Variants in ABCC1 observed in about 807,000 individuals in gnomAD.
ABCC1 encodes the protein multidrug resistance-associated protein 1.
A neutral mutation model predicts 172.9 loss-of-function variants in ABCC1; 83 were observed. The ratio of observed to expected loss-of-function variants is 0.48; its 90% CI spans 0.40 to 0.58. The LOEUF is 0.58. Among genes scored for constraint, ABCC1 ranks in the 20% least tolerant of loss-of-function variants. The pLI, the probability that ABCC1 is intolerant of heterozygous loss-of-function variation, is 0.00. For missense variants in ABCC1, 1,817 were observed against 2,002.7 expected, an observed-to-expected ratio of 0.91 and a Z score of 1.77; for synonymous variants, 937 against 825.2, an observed-to-expected ratio of 1.14 and a Z score of -2.32.
rs546292624 is a variant in ABCC1 at position 16,044,544 on chromosome 16, G to A, written c.904G>A (p.Val302Ile). Residue 302 changes from valine to isoleucine, a missense_variant, in exon 8 of 31, where the codon GTC (valine) becomes ATC (isoleucine). Val to Ile is a conservative substitution (Grantham distance 29). Coordinates refer to ENST00000399410, the MANE Select transcript of ABCC1 (RefSeq NM_004996.4). ...GAATGAGGAGGTGGAGGCTTTGATCGTCAAGTCCCCACAGAAGGAGTGGAA... is the reference window on the plus strand; with the variant it reads ...GAATGAGGAGGTGGAGGCTTTGATCATCAAGTCCCCACAGAAGGAGTGGAA... ...DANEEVEALI[V>I]KSPQKEWNPS... 12 of 1,614,174 alleles carry A rather than the reference G, an allele frequency of 7.4e-6. No homozygotes were observed. In the South Asian group the frequency reaches 7.7e-5, roughly 10 times the overall value.
chr16:15,987,898 T>C (rs2046777367), intron 1 of ABCC1, among the ~76,000 whole-genome samples: 1 of 152,174 alleles, frequency 6.6e-6, no homozygotes, highest in South Asian at 2.1e-4. Flanking sequence ...CTCTGCTTGG[T>C]GTGCCCTTCC....
chr16:16,118,928 G>C (rs991942501), intron 23 of ABCC1, among the ~76,000 whole-genome samples: 2 of 143,934 alleles, frequency 1.4e-5, no homozygotes, highest in Admixed American at 6.9e-5. Flanking sequence ...TGCTTAGAAT[G>C]TTCTCAGCAT....
At chr16:15,950,931 T>G (rs1237584137) in intron 1 of ABCC1, among the ~76,000 whole-genome samples, 1 of 152,134 alleles carries the variant, frequency 6.6e-6, no homozygotes, top group Non-Finnish European at 1.5e-5. Flanking sequence ...TTTTGTTTGT[T>G]TGTTTTTTTT....
chr16:16,047,589 G>A (rs1381695713), intron 9 of ABCC1, among the ~76,000 whole-genome samples: 2 of 152,128 alleles, frequency 1.3e-5, no homozygotes, highest in Non-Finnish European at 2.9e-5. Flanking sequence ...GGGGGCGAGG[G>A]CATGTAGTGG....
At chr16:16,020,352 G>C (rs377525038) in intron 5 of ABCC1, among the ~76,000 whole-genome samples, 7 of 152,192 alleles carry the variant, frequency 4.6e-5, no homozygotes, top group African/African-American at 1.7e-4. Context: ...TGTCCAGGAA[G>C]CCTGAACTTC....
chr16:15,983,799 G>A (rs968828337), intron 1 of ABCC1, among the ~76,000 whole-genome samples: 2 of 146,468 alleles, frequency 1.4e-5, no homozygotes, highest in East Asian at 2.0e-4. Flanking sequence ...CAAGTGATTC[G>A]CCTGCCTCAG....
At chr16:16,001,084 A>G (rs1222770224) in intron 1 of ABCC1, among the ~76,000 whole-genome samples, 1 of 152,208 alleles carries the variant, frequency 6.6e-6, no homozygotes, top group Non-Finnish European at 1.5e-5. Context: ...CTTGGTAAAT[A>G]CTTCTTTAAG....
intron 11 of ABCC1, among the ~76,000 whole-genome samples, chr16:16,055,834 A>T (rs2049626968): frequency 6.6e-6 from 1 of 151,092 alleles, no homozygotes; most frequent in African/African-American, 2.4e-5. Flanking sequence ...CACCCTCAGG[A>T]GGCCCATTTT....
chr16:16,135,285 G>A (rs1353413839), intron 28 of ABCC1, among the ~76,000 whole-genome samples: 4 of 152,106 alleles, frequency 2.6e-5, no homozygotes, highest in Non-Finnish European at 5.9e-5. Context: ...CAGAGTACCC[G>A]AGAGAGAGTA....
intron 3 of ABCC1, among the ~76,000 whole-genome samples, chr16:16,012,312 C>T (rs1370442580): frequency 6.6e-6 from 1 of 152,136 alleles, no homozygotes; most frequent in Non-Finnish European, 1.5e-5. Flanking sequence ...CTGCTTTACG[C>T]CTGGCTCTCC....
At chr16:16,013,270 G>GTTTTTTTTTTTT (rs35420214) in intron 3 of ABCC1, among the ~76,000 whole-genome samples, 2 of 145,798 alleles carry the variant, frequency 1.4e-5, no homozygotes, top group Non-Finnish European at 1.5e-5. Context: ...GCCAGCACAT[G>GTTTTTTTTTTTT]TTTTTTTTTT....
intron 1 of ABCC1, among the ~76,000 whole-genome samples, chr16:15,997,339 C>T (rs141876815): frequency 1.3e-5 from 2 of 152,154 alleles, no homozygotes; most frequent in Non-Finnish European, 2.9e-5. Context: ...GATCCACCTG[C>T]CTTGGCCTCT....
In ABCC1 at chr16:16,136,650, C is replaced by CGG. The variant is rs749961786; in HGVS notation, c.4292+10_4292+11dup. On this transcript the variant is annotated splice_region_variant and intron_variant, in intron 29 of 30. Transcript: ENST00000399410. ...GAAGGCGGGGAGAACCTCAGGTAGG[C>CGG]GGGGGTGAACAAGGAGACACCGGGT... The CGG allele has an allele frequency of 1.1e-5, 18 of 1,613,420 alleles. No individual in the cohort carries two copies. The Admixed American group carries it at 2.7e-4, about 24-fold the overall frequency.
intron 1 of ABCC1, among the ~76,000 whole-genome samples, chr16:15,961,771 CTTT>C (rs4148334): frequency 0.022 from 2,900 of 129,162 alleles, 102 homozygotes; most frequent in African/African-American, 0.077. Flanking sequence ...ATCAAATCAA[CTTT>C]TTTTTTTTTT....
chr16:15,957,535 T>C (rs1385302646), intron 1 of ABCC1, among the ~76,000 whole-genome samples: 2 of 152,200 alleles, frequency 1.3e-5, no homozygotes, highest in Non-Finnish European at 2.9e-5. Flanking sequence ...GGGTTAGATA[T>C]AGCTCACCAC....
At chr16:15,969,562 G>A (rs932876313) in intron 1 of ABCC1, among the ~76,000 whole-genome samples, 36 of 150,918 alleles carry the variant, frequency 2.4e-4, no homozygotes, top group African/African-American at 8.6e-4. Flanking sequence ...TAGTAGAGAC[G>A]GGTTTTGCCA....
rs753063892 is a variant in ABCC1 at position 16,044,606 on chromosome 16, G to A, written c.966G>A (p.Gly322=). ...TTAAGGTGTTATACAAGACCTTTGG[G>A]CCCTACTTCCTCATGAGCTTCTTCT... ...SLFKVLYKTF[G]PYFLMSFFFK... The change falls in exon 8 of 31, where the codon GGG becomes GGA. Residue 322 remains glycine (G), a synonymous_variant. Coordinates refer to ENST00000399410, the MANE Select transcript of ABCC1 (RefSeq NM_004996.4). 2.8e-5 allele frequency: 45 copies of A among 1,614,058 alleles called. No individual in the cohort carries two copies. The highest frequency in any genetic ancestry group is 3.6e-5 in the Non-Finnish European group (42 of 1,180,054).
intron 23 of ABCC1, among the ~76,000 whole-genome samples, chr16:16,120,525 C>T (rs893087124): frequency 6.6e-6 from 1 of 152,052 alleles, no homozygotes; most frequent in Non-Finnish European, 1.5e-5. Context: ...AGCATCTGCC[C>T]GCGAGGGTGG....
chr16:15,979,126 A>C (rs1329660777), intron 1 of ABCC1, among the ~76,000 whole-genome samples: 1 of 151,996 alleles, frequency 6.6e-6, no homozygotes, highest in Non-Finnish European at 1.5e-5. Flanking sequence ...CCCCATCTCT[A>C]CTAAAAATAC....
Sources: allele counts gnomAD v4.1 joint callset (sites outside exome capture counted in the v4.1 genomes callset), GRCh38; gene constraint gnomAD v4.1.1; transcripts MANE v1.5; gene names NCBI Gene and HGNC (gene_info 2026-07-23, HGNC 2026-07-21).